Variants in ABHD14B observed in about 807,000 individuals in gnomAD.
ABHD14B encodes the protein abhydrolase domain containing 14B.
In ABHD14B, 19 loss-of-function variants were observed where a neutral mutation model predicts 15.4. The observed-to-expected ratio is 1.23, with a 90% CI of 0.86 to 1.81. ABHD14B has a LOEUF of 1.81. Ranked by LOEUF, ABHD14B falls within the 40% of genes most tolerant of loss-of-function variation. ABHD14B has a pLI of 0.00. For synonymous variants in ABHD14B, 92 were observed against 117.3 expected (o/e 0.78, Z 1.39); for missense variants, 243 against 267.0 (o/e 0.91, Z 0.63).
chr3:51,971,234 T>A, intron 2 of ABHD14B: 1 of 516,852 alleles, frequency 1.9e-6, no homozygotes, highest in Non-Finnish European at 3.5e-6. Context: ...CAGGTAACAG[T>A]GAGGAGCAGC....
chr3:51,971,839 T>C, intron 1 of ABHD14B, 141 bp from the exon 2 acceptor site: 1 of 1,385,564 alleles, frequency 7.2e-7, no homozygotes, highest in Non-Finnish European at 9.4e-7. Context: ...ATAGGTGTTA[T>C]TTCTGCCTCT....
Position 51,970,107 on chromosome 3 carries a change from C to T in ABHD14B, c.289G>A (p.Val97Met). 1.3e-6 allele frequency: 2 copies of T among 1,585,856 alleles called. No individual in the cohort carries two copies. The highest frequency in any genetic ancestry group is 1.7e-6 in the Non-Finnish European group (2 of 1,164,994). Residue 97 changes from valine (V) to methionine (M), a missense_variant, in exon 3 of 4, where the codon GTG becomes ATG. Physicochemically the swap from Val to Met is conservative, Grantham distance 21. Transcript: ENST00000361143. ...LAPGSFLAAV[V>M]DALELGPPVV... ...GGGGGGCCCAGCTCCAAGGCATCCA[C>T]CACAGCCGCCAGGAAGCTGCCAGGG... is the stretch of plus-strand genomic sequence containing the variant.
intron 1 of ABHD14B, 163 bp from the exon 2 acceptor site, chr3:51,971,861 T>G: frequency 7.4e-7 from 1 of 1,357,708 alleles, no homozygotes; most frequent in Non-Finnish European, 9.5e-7. Flanking sequence ...CCATTTACTT[T>G]AGTGTGTAAC....
At chr3:51,972,598 A>T (rs540329625) in intron 1 of ABHD14B, among the ~76,000 whole-genome samples, 1 of 152,298 alleles carries the variant, frequency 6.6e-6, no homozygotes, top group South Asian at 2.1e-4. Flanking sequence ...CAGAAAAATT[A>T]TCAGTGGGGG....
intron 1 of ABHD14B, among the ~76,000 whole-genome samples, chr3:51,972,279 C>A (rs1700672335): frequency 8.0e-6 from 1 of 124,304 alleles, no homozygotes; most frequent in Non-Finnish European, 1.7e-5. Flanking sequence ...TCACATGTAA[C>A]TCTCATTAGG....
In ABHD14B at chr3:51,969,613, G is replaced by A. The variant is rs773505543; in HGVS notation, c.454-8C>T. On this transcript the variant is annotated splice_polypyrimidine_tract_variant and splice_region_variant and intron_variant, in intron 3 of 3. Transcript: ENST00000361143. ...TACAATCAGAGCTGGAGTCTGAGAG[G>A]AAGGATAGGGGGGTGGGGCAGAGTC... The A allele has an allele frequency of 1.2e-6, 2 of 1,609,210 alleles. No individual in the cohort carries two copies. The highest frequency in any genetic ancestry group is 2.2e-5 in the East Asian group (1 of 44,840).
In ABHD14B at chr3:51,969,165, A is replaced by C. The variant is rs1484285525; in HGVS notation, c.*261T>G. The stretch of plus-strand genomic sequence containing the variant: ...AGGCAGGAAAGTGGAAGAACAGGAG[A>C]AGCTCATGTAATGGATTACCCTCCA... On this transcript the variant is annotated 3_prime_UTR_variant, in exon 4 of 4. Transcript: ENST00000361143. 8 of 343,604 alleles carry C rather than the reference A, an allele frequency of 2.3e-5. No individual in the cohort carries two copies. The East Asian group carries it at 4.4e-4, about 19-fold the overall frequency. 21.3% of individuals were successfully genotyped at this position (343,604 alleles called of 1,614,324 possible).
In ABHD14B at chr3:51,969,518, G is replaced by T. The variant is rs750685251; in HGVS notation, c.541C>A (p.Leu181Met). 6.2e-7 allele frequency: 1 copy of T among 1,613,992 alleles called. No homozygotes were observed. Among genetic ancestry groups the T allele is most frequent in the Non-Finnish European group, 8.5e-7 (1 of 1,179,990 alleles). Residue 181 changes from leucine (L) to methionine (M), a missense_variant, in exon 4 of 4, where the codon CTG becomes ATG. By Grantham distance (15) the Leu-to-Met change is conservative. Transcript: ENST00000361143. ...HLKQLPNHRV[L>M]IMKGAGHPCY... is the part of the protein sequence containing the mutation. ...GGGTGCCCCGCCCCCTTCATGATCA[G>T]CACCCGGTGGTTGGGCAGCTGCTTC... is the stretch of plus-strand genomic sequence containing the variant.
chr3:51,973,280 G>C (rs1700694828), intron 1 of ABHD14B, among the ~76,000 whole-genome samples: 1 of 151,142 alleles, frequency 6.6e-6, no homozygotes, highest in Non-Finnish European at 1.5e-5. Flanking sequence ...TCGATCTCCT[G>C]ACCTCGTGAT....
At chr3:51,969,832 G>T in intron 3 of ABHD14B, 111 bp downstream of exon 3, 1 of 1,583,560 alleles carries the variant, frequency 6.3e-7, no homozygotes, top group Non-Finnish European at 8.6e-7. Context: ...TGGGTGGTCA[G>T]CTCCTCCCAG....
Position 51,971,658 on chromosome 3 carries a change from C to T in ABHD14B, c.13G>A (p.Val5Met), listed in dbSNP as rs369962389. MAASVEQREGTIQVQ... is the reference protein window; with the variant it reads MAASMEQREGTIQVQ... Reference sequence around the variant, plus strand: ...TGGATGGTGCCCTCGCGCTGCTCCACGCTTGCTGCCATGCCTGCTGCTGCT... The same window carrying T: ...TGGATGGTGCCCTCGCGCTGCTCCATGCTTGCTGCCATGCCTGCTGCTGCT... Residue 5 changes from valine to methionine, a missense_variant, in exon 2 of 4, where the codon GTG becomes ATG. Val to Met is a conservative substitution (Grantham distance 21). Transcript: ENST00000361143. 44 of 1,611,314 alleles carry T rather than the reference C, an allele frequency of 2.7e-5. No homozygotes were observed. Among genetic ancestry groups the T allele is most frequent in the Non-Finnish European group, 3.4e-5 (40 of 1,179,140 alleles).
intron 2 of ABHD14B, chr3:51,970,706 A>G: frequency 2.2e-6 from 1 of 457,000 alleles, no homozygotes; most frequent in Non-Finnish European, 4.4e-6. Context: ...CAACAAGATT[A>G]GCTCCAGACC....
chr3:51,969,681 T>C (rs1200080182), intron 3 of ABHD14B, 76 bp from the exon 4 acceptor site: 1 of 1,534,834 alleles, frequency 6.5e-7, no homozygotes, highest in Non-Finnish European at 8.8e-7. Context: ...CCCACTTCAG[T>C]CTCTTCCTGG....
chr3:51,971,497 G>A lies in ABHD14B; in HGVS notation c.174C>T (p.Ala58=). The A allele has an allele frequency of 6.2e-7, 1 of 1,606,994 alleles. No individual in the cohort carries two copies. The highest frequency in any genetic ancestry group is 1.1e-5 in the South Asian group (1 of 90,754). ...TGGCCACAGCCCGGTAGCCAGCCTG[G>A]GCCAGCCTGTGCAGTGTACCCAGGT... ...WQNLGTLHRL[A]QAGYRAVAID... is the part of the protein sequence containing the mutation. The change falls in exon 2 of 4, where the codon GCC becomes GCT. Residue 58 remains alanine (A), a synonymous_variant. Coordinates refer to ENST00000361143, the MANE Select transcript of ABHD14B (RefSeq NM_001146314.2).
chr3:51,969,780 G>A (rs1320894370), intron 3 of ABHD14B, 163 bp downstream of exon 3: 2 of 1,439,432 alleles, frequency 1.4e-6, no homozygotes, highest in South Asian at 1.2e-5. Context: ...TTAGCACAGG[G>A]CTTGGCACAG....
chr3:51,971,963 G>A (rs779730951), intron 1 of ABHD14B: 29 of 559,464 alleles, frequency 5.2e-5, no homozygotes, highest in East Asian at 7.1e-5. Context: ...AAAAATTATC[G>A]GCCAGGCATG....
At chr3:51,972,374 TC>T (rs1700674654) in intron 1 of ABHD14B, among the ~76,000 whole-genome samples, 1 of 150,706 alleles carries the variant, frequency 6.6e-6, no homozygotes, top group South Asian at 2.1e-4. Context: ...GTTCGAGATC[TC>T]CCTGATGAAC....
chr3:51,971,218 A>C (rs2106798232), intron 2 of ABHD14B: 1 of 504,134 alleles, frequency 2.0e-6, no homozygotes, highest in South Asian at 2.8e-5. Flanking sequence ...ACACTGAGAC[A>C]ATGCCCAGGT....
At chr3:51,971,728 C>A in intron 1 of ABHD14B, 30 bp from the exon 2 acceptor site, 2 of 1,581,592 alleles carry the variant, frequency 1.3e-6, no homozygotes, top group South Asian at 1.1e-5. Flanking sequence ...TGATGAGGGG[C>A]CACAGAACAC....
Sources: allele counts gnomAD v4.1 joint callset (sites outside exome capture counted in the v4.1 genomes callset), GRCh38; gene constraint gnomAD v4.1.1; transcripts MANE v1.5; gene names NCBI Gene and HGNC (gene_info 2026-07-23, HGNC 2026-07-21).